The following DOCK10 variants were observed in gnomAD, a reference collection of about 807,000 sequenced individuals.
DOCK10 encodes dedicator of cytokinesis protein 10.
DOCK10 carries 145 observed loss-of-function variants against 280.1 expected under a neutral mutation model. That is an observed-to-expected ratio of 0.52 (90% CI 0.45 to 0.59). The LOEUF (loss-of-function observed/expected upper bound fraction) is 0.59. DOCK10 is among the 20% of genes least tolerant of loss of function. DOCK10 has a pLI of 0.00. For missense variants in DOCK10, 2,368 were observed against 2,651.7 expected, an observed-to-expected ratio of 0.89 and a Z score of 2.35; for synonymous variants, 915 against 942.2, an observed-to-expected ratio of 0.97 and a Z score of 0.53.
At chr2:224,993,201 A>ATTTTTTTTTTT (rs1706177473) in intron 1 of DOCK10, among the ~76,000 whole-genome samples, 2 of 131,796 alleles carry the variant, frequency 1.5e-5, no homozygotes, top group South Asian at 2.4e-4. Context: ...TTTCTTTGGA[A>ATTTTTTTTTTT]GTTTTTTTTT....
chr2:224,796,278 A>G (rs1692569833), intron 44 of DOCK10, 38 bp downstream of exon 44: 1 of 1,310,044 alleles, frequency 7.6e-7, no homozygotes, highest in East Asian at 2.5e-5. Flanking sequence ...TCAGATTTAA[A>G]AAAATTCTGC....
rs1201609470 is a variant in DOCK10, at chr2:224,921,112, A to AATATATAT, written c.244-4336_244-4329dup. On this transcript the variant is annotated intron_variant, in intron 2 of 55. Transcript: ENST00000258390. ...TCTATTAAAAAAAAAAAAAAAAAAAAATATATATATATATATATATATAAT... is the reference window on the plus strand; with the variant it reads ...TCTATTAAAAAAAAAAAAAAAAAAAAATATATATATATATATATATATATATATATAAT... Among the ~76,000 whole-genome samples the AATATATAT allele has an allele frequency of 4.2e-4, 23 of 54,394 alleles. 2 individuals carry two copies. The highest frequency in any genetic ancestry group is 2.4e-3 in the African/African-American group (15 of 6,362). 35.7% of individuals were successfully genotyped at this position (54,394 alleles called of 152,430 possible). A position where few individuals can be genotyped will look rare whatever the true frequency, so the allele number is the denominator to read the frequency against.
At chr2:225,040,517 T>TGC (rs1309644787) in intron 1 of DOCK10, among the ~76,000 whole-genome samples, 5 of 109,300 alleles carry the variant, frequency 4.6e-5, no homozygotes, top group African/African-American at 2.6e-4. Flanking sequence ...GCAGTGCGTG[T>TGC]GTGTGTGTGT....
chr2:224,789,189 A>G lies in DOCK10; in HGVS notation c.5312-19T>C. 1 of 1,536,226 alleles carries G rather than the reference A, an allele frequency of 6.5e-7. No homozygotes were observed. The highest frequency in any genetic ancestry group is 9.0e-7 in the Non-Finnish European group (1 of 1,112,254). ...AACATGCCTTGGGAGGACCAAGCAG[A>G]ATAAAACATTATTATTTGAGACAAA... On this transcript the variant is annotated intron_variant, in intron 47 of 55. Transcript: ENST00000258390.
At chr2:224,923,253 C>T (rs1365871033) in intron 2 of DOCK10, among the ~76,000 whole-genome samples, 1 of 152,158 alleles carries the variant, frequency 6.6e-6, no homozygotes, top group Non-Finnish European at 1.5e-5. Flanking sequence ...CATGAAGACA[C>T]AGTGTTGTAG....
chr2:225,032,345 C>T (rs1465154567), intron 1 of DOCK10, among the ~76,000 whole-genome samples: 3 of 152,114 alleles, frequency 2.0e-5, no homozygotes, highest in African/African-American at 7.2e-5. Flanking sequence ...TGGCTTCTGA[C>T]TTCAAAAATG....
intron 1 of DOCK10, among the ~76,000 whole-genome samples, chr2:225,019,445 C>CT (rs11399371): frequency 0.6 from 84,237 of 139,542 alleles, 27,154 homozygotes; most frequent in East Asian, 0.78. Flanking sequence ...GTGGTTTAAT[C>CT]TTTTTTTTTT....
intron 1 of DOCK10, among the ~76,000 whole-genome samples, chr2:224,932,973 G>GA (rs11368078): frequency 2.3e-4 from 35 of 150,900 alleles, no homozygotes; most frequent in African/African-American, 3.6e-4. Context: ...TTCTACATTA[G>GA]AAAAAAAAAC....
intron 1 of DOCK10, among the ~76,000 whole-genome samples, chr2:225,001,510 G>C (rs1486419405): frequency 2.0e-5 from 3 of 151,860 alleles, no homozygotes; most frequent in Non-Finnish European, 4.4e-5. Flanking sequence ...GGATGGTCTT[G>C]ATCTCCTGAC....
chr2:224,879,969 A>T (rs1272273749), intron 7 of DOCK10, among the ~76,000 whole-genome samples: 1 of 152,184 alleles, frequency 6.6e-6, no homozygotes, highest in Non-Finnish European at 1.5e-5. Flanking sequence ...AAGGGAGATA[A>T]AAAGCAACCT....
At chr2:224,814,030 A>G (rs1208454301) in intron 31 of DOCK10, among the ~76,000 whole-genome samples, 1 of 152,196 alleles carries the variant, frequency 6.6e-6, no homozygotes, top group Non-Finnish European at 1.5e-5. Flanking sequence ...GCATGTTATT[A>G]TATATATCTG....
chr2:224,836,274 A>C (rs76313939), intron 25 of DOCK10, among the ~76,000 whole-genome samples: 2,131 of 152,320 alleles, frequency 0.014, 24 homozygotes, highest in Non-Finnish European at 0.02. Flanking sequence ...ATACTCTATA[A>C]AACTAAGCTA....
intron 11 of DOCK10, 22 bp downstream of exon 11, chr2:224,873,974 A>T (rs1698464517): frequency 1.2e-6 from 2 of 1,606,694 alleles, no homozygotes; most frequent in African/African-American, 1.3e-5. Flanking sequence ...ATGGTATAGG[A>T]TGTAACAGAG....
intron 1 of DOCK10, among the ~76,000 whole-genome samples, chr2:225,017,482 GAGAC>G (rs1187314678): frequency 6.6e-6 from 1 of 152,056 alleles, no homozygotes; most frequent in Non-Finnish European, 1.5e-5. Flanking sequence ...GAGACCAAGA[GAGAC>G]TGACTGATTG....
chr2:224,853,058 T>A lies in DOCK10; in HGVS notation c.1953A>T (p.Thr651=). 4.3e-6 allele frequency: 7 copies of A among 1,611,400 alleles called. No homozygotes were observed. The highest frequency in any genetic ancestry group is 5.9e-6 in the Non-Finnish European group (7 of 1,178,182). Residue 651 remains threonine, a synonymous_variant, in exon 17 of 56, where the codon ACA becomes ACT. Coordinates refer to ENST00000258390, the MANE Select transcript of DOCK10 (RefSeq NM_014689.3). ...PFNMMAQTEP[T]VEVEEFVYDS... Reference sequence around the variant, plus strand: ...CGTAAACAAATTCTTCCACCTCCACTGTGGGTTCTGTTTGAGCCATCATGT... The same window carrying A: ...CGTAAACAAATTCTTCCACCTCCACAGTGGGTTCTGTTTGAGCCATCATGT...
chr2:224,851,475 ACT>A (rs1467132366), intron 18 of DOCK10, among the ~76,000 whole-genome samples: 1 of 139,620 alleles, frequency 7.2e-6, no homozygotes, highest in African/African-American at 2.7e-5. Context: ...AAAAAAAAAG[ACT>A]CTTTTTTATA....
intron 11 of DOCK10, among the ~76,000 whole-genome samples, chr2:224,871,573 T>A (rs899499028): frequency 6.6e-6 from 1 of 152,228 alleles, no homozygotes; most frequent in African/African-American, 2.4e-5. Flanking sequence ...CTTAAGGCCC[T>A]ACATCATCTT....
intron 3 of DOCK10, among the ~76,000 whole-genome samples, chr2:224,897,907 A>T (rs904706578): frequency 6.6e-6 from 1 of 151,950 alleles, no homozygotes; most frequent in African/African-American, 2.4e-5. Context: ...GGCTTTTGAG[A>T]CTCCTTTCTA....
At chr2:224,791,586 C>T (rs1559411037) in intron 47 of DOCK10, among the ~76,000 whole-genome samples, 2 of 151,678 alleles carry the variant, frequency 1.3e-5, no homozygotes, top group African/African-American at 2.4e-5. Flanking sequence ...GCCTCAGCCT[C>T]CTGAGTAGCT....
Sources: allele counts gnomAD v4.1 joint callset (sites outside exome capture counted in the v4.1 genomes callset), GRCh38; gene constraint gnomAD v4.1.1; transcripts MANE v1.5; gene names NCBI Gene and HGNC (gene_info 2026-07-23, HGNC 2026-07-21).